The following CHD6 variants were observed in gnomAD, a reference collection of about 807,000 sequenced individuals.
The protein encoded by CHD6 is chromodomain helicase DNA binding protein 6.
In CHD6, 50 loss-of-function variants were observed where a neutral mutation model predicts 276.9. That is an observed-to-expected ratio of 0.18 (90% CI 0.14 to 0.23). The LOEUF (loss-of-function observed/expected upper bound fraction) is 0.23. Among genes scored for constraint, CHD6 ranks in the 10% least tolerant of loss-of-function variants. The pLI, the probability that CHD6 is intolerant of heterozygous loss-of-function variation, is 1.00. For synonymous variants in CHD6, 1,173 were observed against 1,229.3 expected, an observed-to-expected ratio of 0.95 and a Z score of 0.96; for missense variants, 2,564 against 3,365.8, an observed-to-expected ratio of 0.76 and a Z score of 5.89.
intron 1 of CHD6, among the ~76,000 whole-genome samples, chr20:41,555,922 G>C (rs2045226954): frequency 6.6e-6 from 1 of 152,342 alleles, no homozygotes; most frequent in South Asian, 2.1e-4. Context: ...GGAGGTTGTA[G>C]CGAGCCGAGA....
intron 3 of CHD6, among the ~76,000 whole-genome samples, chr20:41,532,471 G>A (rs1233583609): frequency 6.6e-6 from 1 of 152,094 alleles, no homozygotes; most frequent in East Asian, 1.9e-4. Context: ...CACTCTACAC[G>A]ACTGCTGTTC....
chr20:41,434,375 C>T (rs1600848613), intron 27 of CHD6, among the ~76,000 whole-genome samples: 1 of 152,084 alleles, frequency 6.6e-6, no homozygotes, highest in South Asian at 2.1e-4. Flanking sequence ...GTAATTCTCT[C>T]TATACATTTT....
At chr20:41,579,620 C>A (rs1375891254) in intron 1 of CHD6, among the ~76,000 whole-genome samples, 1 of 152,066 alleles carries the variant, frequency 6.6e-6, no homozygotes, top group African/African-American at 2.4e-5. Flanking sequence ...TTTAAGCATA[C>A]CTCCTTGTCA....
chr20:41,520,992 C>T (rs909625482), intron 3 of CHD6, among the ~76,000 whole-genome samples: 11 of 151,922 alleles, frequency 7.2e-5, no homozygotes, highest in African/African-American at 2.7e-4. Context: ...GAAGGGTAAA[C>T]AAAAAACCCC....
chr20:41,483,589 G>T, intron 15 of CHD6, 70 bp from the exon 16 acceptor site: 1 of 1,159,436 alleles, frequency 8.6e-7, no homozygotes, highest in Non-Finnish European at 1.2e-6. Flanking sequence ...CTGCTTTACA[G>T]ATCCTGGGAA....
intron 1 of CHD6, among the ~76,000 whole-genome samples, chr20:41,606,360 C>G (rs2045828337): frequency 6.6e-6 from 1 of 152,112 alleles, no homozygotes; most frequent in African/African-American, 2.4e-5. Context: ...AAAACAAAAA[C>G]AAAATTAGCC....
At chr20:41,414,164 CT>C (rs1484919286) in intron 34 of CHD6, 1 of 152,200 alleles carries the variant, frequency 6.6e-6, no homozygotes, top group East Asian at 1.9e-4. Flanking sequence ...GAACGTGTCA[CT>C]TCAGCTTCCC....
chr20:41,566,590 A>C (rs2045357917), intron 1 of CHD6, among the ~76,000 whole-genome samples: 1 of 152,168 alleles, frequency 6.6e-6, no homozygotes, highest in Non-Finnish European at 1.5e-5. Flanking sequence ...TCTTATGCCC[A>C]AGTAGAGGAT....
chr20:41,507,745 A>G (rs949958573), intron 5 of CHD6, among the ~76,000 whole-genome samples: 3 of 152,046 alleles, frequency 2.0e-5, no homozygotes, highest in African/African-American at 7.2e-5. Flanking sequence ...TTTAATTCAT[A>G]CTCTTTTTAT....
At chr20:41,509,961 A>T (rs2044075837) in intron 5 of CHD6, among the ~76,000 whole-genome samples, 1 of 152,124 alleles carries the variant, frequency 6.6e-6, no homozygotes, top group Non-Finnish European at 1.5e-5. Context: ...ACCAATCCTG[A>T]GGTTGTGATC....
At chr20:41,519,143 C>CTA (rs2044323660) in intron 3 of CHD6, among the ~76,000 whole-genome samples, 1 of 152,104 alleles carries the variant, frequency 6.6e-6, no homozygotes, top group Non-Finnish European at 1.5e-5. Flanking sequence ...ATTAGCCGGG[C>CTA]ATGGTGGCGC....
chr20:41,464,270 A>G (rs1202523660), intron 17 of CHD6, among the ~76,000 whole-genome samples: 1 of 152,196 alleles, frequency 6.6e-6, no homozygotes, highest in Non-Finnish European at 1.5e-5. Flanking sequence ...GTTTCCCCCT[A>G]TTAATTTAAC....
chr20:41,418,971 G>T (rs2047092885), intron 31 of CHD6, among the ~76,000 whole-genome samples: 1 of 152,148 alleles, frequency 6.6e-6, no homozygotes, highest in South Asian at 2.1e-4. Flanking sequence ...TCTTTACCTT[G>T]TACTCACTTG....
intron 33 of CHD6, among the ~76,000 whole-genome samples, chr20:41,416,045 T>G (rs776261261): frequency 3.9e-5 from 6 of 152,200 alleles, no homozygotes; most frequent in Non-Finnish European, 8.8e-5. Flanking sequence ...GGTCCCCAGC[T>G]GATTCCAATG....
At position 41,454,897 on chromosome 20, in the gene CHD6, C is replaced by CT. The variant is rs1372412218; in HGVS notation, c.3010-162dup. Among the ~76,000 whole-genome samples, 4 of 152,218 alleles carry CT rather than the reference C, an allele frequency of 2.6e-5. No individual in the cohort carries two copies. The East Asian group carries it at 5.8e-4, about 22-fold the overall frequency. ...ATGAATTGAAAATCTCAAGGCTATT[C>CT]TTTTTTTACCTTTTATTTTAAAAAT... is the stretch of plus-strand genomic sequence containing the variant. On this transcript the variant is annotated intron_variant, in intron 19 of 36. Coordinates refer to ENST00000373233, the MANE Select transcript of CHD6 (RefSeq NM_032221.5).
intron 20 of CHD6, among the ~76,000 whole-genome samples, chr20:41,453,420 AT>A (rs1164010441): frequency 2.6e-5 from 4 of 152,180 alleles, no homozygotes; most frequent in Non-Finnish European, 5.9e-5. Context: ...GACTGGTTCT[AT>A]CCACTAACCT....
intron 34 of CHD6, chr20:41,414,250 A>G (rs1884199624): frequency 6.6e-6 from 1 of 152,254 alleles, no homozygotes; most frequent in Non-Finnish European, 1.5e-5. Context: ...CAGCCCCTAG[A>G]GAAAAAGGTC....
intron 36 of CHD6, among the ~76,000 whole-genome samples, chr20:41,411,020 GAA>G (rs966024747): frequency 1.3e-5 from 2 of 152,190 alleles, no homozygotes; most frequent in Admixed American, 1.3e-4. Context: ...GCAAGTGGAA[GAA>G]AGTGAGGGAA....
chr20:41,563,128 C>CAAAA (rs2045319558), intron 1 of CHD6, among the ~76,000 whole-genome samples: 1 of 152,098 alleles, frequency 6.6e-6, no homozygotes, highest in Admixed American at 6.5e-5. Context: ...TAATATAAGC[C>CAAAA]AAAAGGCAAA....
Sources: allele counts gnomAD v4.1 joint callset (sites outside exome capture counted in the v4.1 genomes callset), GRCh38; gene constraint gnomAD v4.1.1; transcripts MANE v1.5; gene names NCBI Gene and HGNC (gene_info 2026-07-23, HGNC 2026-07-21).